TEX2: variants seen among roughly 807,000 people sequenced by gnomAD.
TEX2 encodes testis-expressed protein 2.
In TEX2, 53 loss-of-function variants were observed where a neutral mutation model predicts 106.9. That is an observed-to-expected ratio of 0.50 (90% CI 0.40 to 0.62). The LOEUF (loss-of-function observed/expected upper bound fraction) is 0.62, where lower values mean the gene tolerates loss of function less well. TEX2 is among the 20% of genes least tolerant of loss of function. TEX2 has a pLI of 0.00. For missense variants in TEX2, 1,207 were observed against 1,379.0 expected, an observed-to-expected ratio of 0.88 and a Z score of 1.98; for synonymous variants, 523 against 534.8, an observed-to-expected ratio of 0.98 and a Z score of 0.30.
intron 4 of TEX2, among the ~76,000 whole-genome samples, chr17:64,192,851 C>T (rs71377728): frequency 0.073 from 11,189 of 152,266 alleles, 509 homozygotes; most frequent in Non-Finnish European, 0.11. Context: ...CCCAGAGTGG[C>T]TCCCTCCTAG....
At chr17:64,246,901 TG>T (rs1255029092) in intron 1 of TEX2, among the ~76,000 whole-genome samples, 2 of 152,136 alleles carry the variant, frequency 1.3e-5, no homozygotes, top group Admixed American at 1.3e-4. Context: ...CCCCTTTTCT[TG>T]CTGCAGATAA....
chr17:64,234,638 G>A (rs574382130), intron 1 of TEX2, among the ~76,000 whole-genome samples: 1 of 152,272 alleles, frequency 6.6e-6, no homozygotes, highest in South Asian at 2.1e-4. Context: ...GGACCATGAT[G>A]GTAAAACCCC....
chr17:64,199,520 A>C (rs1463922306), intron 2 of TEX2, among the ~76,000 whole-genome samples: 2 of 152,236 alleles, frequency 1.3e-5, no homozygotes, highest in African/African-American at 4.8e-5. Context: ...TACAGGCGTG[A>C]GCCACTGCGC....
chr17:64,240,885 G>C (rs7220162), intron 1 of TEX2, among the ~76,000 whole-genome samples: 1 of 152,078 alleles, frequency 6.6e-6, no homozygotes, highest in Non-Finnish European at 1.5e-5. Flanking sequence ...TGGAGTAATA[G>C]GAATAACTTC....
In TEX2 at chr17:64,212,844, A is replaced by G; in HGVS notation, c.1374T>C (p.Ser458=). ...VLAEDGVVLD[S]EDEVDSAVQH... is the part of the protein sequence containing the mutation. ...GCACGGCCGAGTCCACCTCGTCCTC[A>G]CTGTCAAGGACCACACCATCTTCCG... The change falls in exon 2 of 12, where the codon AGT becomes AGC. Residue 458 remains serine, a synonymous_variant. Transcript: ENST00000584379. 1 of 1,614,074 alleles carries G rather than the reference A, an allele frequency of 6.2e-7. No homozygotes were observed. Among genetic ancestry groups the G allele is most frequent in the Non-Finnish European group, 8.5e-7 (1 of 1,180,034 alleles).
intron 6 of TEX2, among the ~76,000 whole-genome samples, chr17:64,171,450 A>C (rs2031393903): frequency 6.6e-6 from 1 of 152,102 alleles, no homozygotes. Flanking sequence ...ATACATAGAC[A>C]ATATACTTCC....
chr17:64,246,480 C>A (rs1555636299), intron 1 of TEX2, among the ~76,000 whole-genome samples: 1 of 152,122 alleles, frequency 6.6e-6, no homozygotes, highest in Non-Finnish European at 1.5e-5. Flanking sequence ...CTCATGACCT[C>A]GTGATCTGCC....
At chr17:64,160,722 T>C (rs1223223822) in intron 8 of TEX2, 79 bp downstream of exon 8, 23 of 1,562,792 alleles carry the variant, frequency 1.5e-5, no homozygotes, top group African/African-American at 2.7e-5. Context: ...CCACTACACA[T>C]CAAATCTGCT....
Position 64,188,251 on chromosome 17 carries a change from C to T in TEX2, c.2341G>A (p.Gly781Ser). ...CGGCTTTCCTGGGGGACACACCTGC[C>T]CATGTACACGCTGTAGTCGAGAAGC... ...KMLLDYSVYM[G>S]RCVPQESRSP... Residue 781 changes from glycine (G) to serine (S), a missense_variant, in exon 5 of 12, where the codon GGC (glycine) becomes AGC (serine). Gly to Ser is a moderately conservative substitution (Grantham distance 56). Around this residue, in one of 3 missense-constraint regions of TEX2, gnomAD observed 1,067 missense variants for 1,193.6 expected, o/e 0.89. Transcript: ENST00000584379. 1 of 1,613,930 alleles carries T rather than the reference C, an allele frequency of 6.2e-7. No homozygotes were observed. Among genetic ancestry groups the T allele is most frequent in the East Asian group, 2.2e-5 (1 of 44,888 alleles).
At chr17:64,232,363 GT>G (rs2033678013) in intron 1 of TEX2, among the ~76,000 whole-genome samples, 1 of 152,176 alleles carries the variant, frequency 6.6e-6, no homozygotes, top group East Asian at 1.9e-4. Context: ...TTGGCCACAT[GT>G]TTTTCAATAT....
intron 7 of TEX2, among the ~76,000 whole-genome samples, chr17:64,167,824 A>G (rs2031210965): frequency 1.3e-5 from 2 of 152,146 alleles, no homozygotes; most frequent in Admixed American, 6.5e-5. Context: ...CATCTCAAAA[A>G]AAAAAGAATC....
intron 2 of TEX2, among the ~76,000 whole-genome samples, chr17:64,210,956 TTTATTA>T (rs782136569): frequency 6.6e-6 from 1 of 151,406 alleles, no homozygotes; most frequent in South Asian, 2.1e-4. Flanking sequence ...TGTTACTTAT[TTTATTA>T]TTATTATTAT....
intron 2 of TEX2, among the ~76,000 whole-genome samples, chr17:64,197,639 A>C (rs1372652751): frequency 2.6e-5 from 4 of 152,126 alleles, no homozygotes; most frequent in African/African-American, 9.7e-5. Context: ...ACTTACTGTA[A>C]CCTGGAACTC....
In TEX2 at chr17:64,217,006, T is replaced by C. The variant is rs1290215019; in HGVS notation, c.-25-2764A>G. On this transcript the variant is annotated intron_variant, in intron 1 of 11. Coordinates refer to ENST00000584379, the MANE Select transcript of TEX2 (RefSeq NM_001288732.2). This position sits in a 1 kb window ranked among gnomAD's most constrained non-coding sequence, Gnocchi z 4.3. Reference sequence around the variant, plus strand: ...ACTAACCAAAGCCTGGTTCCACTTCTCTAGATTTTTACTAAAATAAGCCAC... The same window carrying C: ...ACTAACCAAAGCCTGGTTCCACTTCCCTAGATTTTTACTAAAATAAGCCAC... Among the ~76,000 whole-genome samples, 2 of 152,186 alleles carry C rather than the reference T, an allele frequency of 1.3e-5. No individual in the cohort carries two copies. Among genetic ancestry groups the C allele is most frequent in the Non-Finnish European group, 2.9e-5 (2 of 68,040 alleles).
chr17:64,200,258 C>T (rs1278142076), intron 2 of TEX2, among the ~76,000 whole-genome samples: 1 of 152,172 alleles, frequency 6.6e-6, no homozygotes, highest in Non-Finnish European at 1.5e-5. Flanking sequence ...TGTTGAGATA[C>T]ATACACCAGC....
intron 2 of TEX2, among the ~76,000 whole-genome samples, chr17:64,197,863 C>T (rs1458801792): frequency 2.5e-4 from 38 of 152,178 alleles, no homozygotes; most frequent in Admixed American, 2.5e-3. Flanking sequence ...CACACCCATC[C>T]TCTAACAAGC....
intron 1 of TEX2, among the ~76,000 whole-genome samples, chr17:64,228,564 T>G (rs923437615): frequency 7.8e-4 from 119 of 152,264 alleles, no homozygotes; most frequent in African/African-American, 2.7e-3. Context: ...TGAGAATCTG[T>G]GCCGCTACTG....
At chr17:64,168,510 T>A (rs1291644932) in intron 7 of TEX2, among the ~76,000 whole-genome samples, 1 of 152,178 alleles carries the variant, frequency 6.6e-6, no homozygotes, top group Non-Finnish European at 1.5e-5. Context: ...AGAAGAACAG[T>A]TAAGAAGCTT....
chr17:64,219,610 A>C (rs1439231453), intron 1 of TEX2, among the ~76,000 whole-genome samples: 2 of 152,180 alleles, frequency 1.3e-5, no homozygotes, highest in Non-Finnish European at 2.9e-5. Flanking sequence ...TGGCAGCCAA[A>C]GCATGATGTA....
Sources: allele counts gnomAD v4.1 joint callset (sites outside exome capture counted in the v4.1 genomes callset), GRCh38; gene constraint gnomAD v4.1.1; regional missense constraint gnomAD v4.1.1; non-coding constraint Gnocchi (gnomAD v3.1); transcripts MANE v1.5; gene names NCBI Gene and HGNC (gene_info 2026-07-23, HGNC 2026-07-21).